The following NSF variants were observed in gnomAD, a reference collection of about 807,000 sequenced individuals.
The protein encoded by NSF is N-ethylmaleimide sensitive factor, vesicle fusing ATPase, also known as vesicle-fusing ATPase.
In NSF, 14 loss-of-function variants were observed where a neutral mutation model predicts 50.3. That is an observed-to-expected ratio of 0.28 (90% CI 0.18 to 0.44). The LOEUF (loss-of-function observed/expected upper bound fraction) is 0.44. Among genes scored for constraint, NSF ranks in the 20% least tolerant of loss-of-function variants. The pLI is 1.00. For missense variants in NSF, 218 were observed against 504.3 expected, an observed-to-expected ratio of 0.43 and a Z score of 5.44; for synonymous variants, 109 against 175.7, an observed-to-expected ratio of 0.62 and a Z score of 3.00.
intron 14 of NSF, among the ~76,000 whole-genome samples, chr17:46,712,574 T>C (rs1490680625): frequency 6.6e-6 from 1 of 152,198 alleles, no homozygotes. Flanking sequence ...AAGGGTCATA[T>C]AGGAGAAGTA....
chr17:46,721,451 C>G (rs1350923929), intron 15 of NSF: 3 of 636,916 alleles, frequency 4.7e-6, no homozygotes, highest in Admixed American at 2.8e-5. Context: ...TCCCTCCTAA[C>G]TTTAAGACCC....
intron 17 of NSF, among the ~76,000 whole-genome samples, chr17:46,740,643 A>G (rs2059060516): frequency 6.6e-6 from 1 of 151,512 alleles, no homozygotes; most frequent in African/African-American, 2.4e-5. Context: ...TGGCATGGTC[A>G]GTACAACTTT....
intron 17 of NSF, among the ~76,000 whole-genome samples, chr17:46,736,541 C>T (rs887256670): frequency 6.6e-6 from 1 of 152,082 alleles, no homozygotes; most frequent in Non-Finnish European, 1.5e-5. Flanking sequence ...TAGGTGATTT[C>T]TTTTTTATTT....
rs1036795201 is a variant in NSF, at chr17:46,749,359, C to T, written c.1909-414C>T. ...AATATAAACTCTTATTACCCTGCTC[C>T]TTCTAAAAAGTGTACTAAAGCCTTG... On this transcript the variant is annotated intron_variant, in intron 17 of 20. Transcript: ENST00000398238. Among the ~76,000 whole-genome samples, 62 of 152,336 alleles carry T rather than the reference C, an allele frequency of 4.1e-4. No homozygotes were observed. In the East Asian group the frequency reaches 6.6e-3, roughly 16 times the overall value.
At chr17:46,731,649 G>A (rs1202324297) in intron 17 of NSF, among the ~76,000 whole-genome samples, 1 of 152,074 alleles carries the variant, frequency 6.6e-6, no homozygotes, top group East Asian at 1.9e-4. Context: ...AGAACATGGA[G>A]TGAATTTATC....
chr17:46,725,732 G>T (rs199450), intron 15 of NSF, among the ~76,000 whole-genome samples: 3 of 152,092 alleles, frequency 2.0e-5, no homozygotes, highest in Non-Finnish European at 2.9e-5. Context: ...ATCTTGGTGT[G>T]CTGAGGTTGG....
At chr17:46,595,460 A>G (rs1392509132) in intron 1 of NSF, among the ~76,000 whole-genome samples, 7 of 97,552 alleles carry the variant, frequency 7.2e-5, no homozygotes, top group Non-Finnish European at 1.0e-4. Context: ...CTCAGCTATC[A>G]AACATTGAAT....
At chr17:46,703,322 G>GAT (rs1289771327) in intron 12 of NSF, among the ~76,000 whole-genome samples, 1 of 59,992 alleles carries the variant, frequency 1.7e-5, no homozygotes, top group Non-Finnish European at 3.2e-5. Flanking sequence ...TTGTTCAGAG[G>GAT]ATATATATAT....
chr17:46,721,960 C>T (rs1310380032), intron 15 of NSF: 1 of 1,603,946 alleles, frequency 6.2e-7, no homozygotes, highest in African/African-American at 1.3e-5. Flanking sequence ...GGAAAGATTT[C>T]AGTTGAGGAA....
chr17:46,728,988 C>A, intron 17 of NSF, 54 bp downstream of exon 17: 1 of 1,077,450 alleles, frequency 9.3e-7, no homozygotes. Context: ...TTCAGTAAAT[C>A]GCATATAATG....
rs556858358 is a variant in NSF at position 46,638,659 on chromosome 17, G to A, written c.405+1117G>A. ...CCCAAAGTGCTGAGATTACAGGCAT[G>A]AGCCACCATGCCCAACCATTTTTTT... On this transcript the variant is annotated intron_variant, in intron 5 of 20. Coordinates refer to ENST00000398238, the MANE Select transcript of NSF (RefSeq NM_006178.4). 5.4e-3 allele frequency among the ~76,000 whole-genome samples: 768 copies of A among 141,042 alleles called. 89 individuals carry two copies. The highest frequency in any genetic ancestry group is 0.019 in the African/African-American group (689 of 35,612). 92.5% of individuals were successfully genotyped at this position (141,042 alleles called of 152,430 possible). A position where few individuals can be genotyped will look rare whatever the true frequency, so the allele number is the denominator to read the frequency against.
intron 16 of NSF, among the ~76,000 whole-genome samples, chr17:46,728,464 A>G (rs2058913695): frequency 1.3e-5 from 2 of 152,030 alleles, no homozygotes; most frequent in Non-Finnish European, 2.9e-5. Context: ...AAGCTTTTTC[A>G]AAAAATTTAT....
intron 17 of NSF, among the ~76,000 whole-genome samples, chr17:46,732,871 TCAGCAG>T (rs2058963793): frequency 6.6e-6 from 1 of 152,190 alleles, no homozygotes; most frequent in African/African-American, 2.4e-5. Context: ...CTCTGAGAAC[TCAGCAG>T]CAGCAGCTAA....
intron 1 of NSF, among the ~76,000 whole-genome samples, chr17:46,593,236 CGTTT>C (rs1417240850): frequency 2.7e-4 from 3 of 11,308 alleles, no homozygotes; most frequent in African/African-American, 9.9e-4. Context: ...TTTTTTTGTT[CGTTT>C]GTTTGAGATG....
intron 16 of NSF, among the ~76,000 whole-genome samples, chr17:46,728,002 T>A (rs1482454725): frequency 6.6e-6 from 1 of 152,178 alleles, no homozygotes; most frequent in Non-Finnish European, 1.5e-5. Flanking sequence ...TTCTGTTTTT[T>A]TTTTTATTTT....
intron 15 of NSF, chr17:46,721,727 T>C: frequency 6.2e-7 from 1 of 1,605,822 alleles, no homozygotes; most frequent in Non-Finnish European, 8.5e-7. Context: ...GCTATCTAGT[T>C]TGACGGGGAT....
chr17:46,748,367 C>A lies in NSF; in HGVS notation c.1909-1406C>A, dbSNP rs1470685365. 5.3e-5 allele frequency among the ~76,000 whole-genome samples: 8 copies of A among 152,322 alleles called. No homozygotes were observed. The East Asian group carries it at 1.5e-3, about 29-fold the overall frequency. Reference sequence around the variant, plus strand: ...CCTCAGGTGATCCACCTGCCTCGGCCTCCCACAGCACTGGAATTATAGGCA... The same window carrying A: ...CCTCAGGTGATCCACCTGCCTCGGCATCCCACAGCACTGGAATTATAGGCA... On this transcript the variant is annotated intron_variant, in intron 17 of 20. Transcript: ENST00000398238.
At chr17:46,738,999 G>A (rs577450406) in intron 17 of NSF, among the ~76,000 whole-genome samples, 22 of 152,008 alleles carry the variant, frequency 1.4e-4, no homozygotes, top group Admixed American at 6.6e-4. Flanking sequence ...ACTTTGGGAG[G>A]CCAAGGCAGG....
At chr17:46,718,972 T>TA (rs1223060152) in intron 15 of NSF, among the ~76,000 whole-genome samples, 1 of 152,200 alleles carries the variant, frequency 6.6e-6, no homozygotes, top group African/African-American at 2.4e-5. Context: ...AACTCTTAGG[T>TA]AAAAAATGCT....
Sources: allele counts gnomAD v4.1 joint callset (sites outside exome capture counted in the v4.1 genomes callset), GRCh38; gene constraint gnomAD v4.1.1; transcripts MANE v1.5; gene names NCBI Gene and HGNC (gene_info 2026-07-23, HGNC 2026-07-21).